KAT6B: variants seen among roughly 807,000 people sequenced by gnomAD.
KAT6B encodes the protein lysine acetyltransferase 6B, also known as histone acetyltransferase KAT6B.
A neutral mutation model predicts 187.5 loss-of-function variants in KAT6B; 10 were observed. The ratio of observed to expected loss-of-function variants is 0.05; its 90% CI spans 0.03 to 0.09. KAT6B has a LOEUF of 0.09. Ranked by LOEUF, KAT6B falls within the 10% of genes least tolerant of loss-of-function variation. The pLI is 1.00. For missense variants in KAT6B, 1,952 were observed against 2,558.9 expected, an observed-to-expected ratio of 0.76 and a Z score of 5.12; for synonymous variants, 861 against 926.8, an observed-to-expected ratio of 0.93 and a Z score of 1.29.
intron 4 of KAT6B, 139 bp downstream of exon 4, chr10:74,960,217 AAG>A (rs1841002996): frequency 1.4e-6 from 1 of 714,988 alleles, no homozygotes; most frequent in Non-Finnish European, 2.5e-6. Flanking sequence ...TTAAAAGAAA[AAG>A]TAAGGAATAG....
chr10:74,992,731 T>C (rs1340904830), intron 13 of KAT6B, among the ~76,000 whole-genome samples: 1 of 152,238 alleles, frequency 6.6e-6, no homozygotes, highest in Non-Finnish European at 1.5e-5. Context: ...TGGGACCATG[T>C]GCTGCTTGCA....
At chr10:74,952,317 C>T (rs530364307) in intron 3 of KAT6B, among the ~76,000 whole-genome samples, 7 of 151,902 alleles carry the variant, frequency 4.6e-5, no homozygotes, top group Non-Finnish European at 1.0e-4. Flanking sequence ...ATCACGCCCC[C>T]GCTCTCCATC....
intron 3 of KAT6B, among the ~76,000 whole-genome samples, chr10:74,860,752 C>A (rs192754721): frequency 2.6e-5 from 4 of 152,330 alleles, no homozygotes; most frequent in African/African-American, 7.2e-5. Flanking sequence ...AACCCCAGCA[C>A]TTTGGGAGGC....
intron 12 of KAT6B, among the ~76,000 whole-genome samples, chr10:74,987,670 A>G (rs1348005574): frequency 6.6e-6 from 1 of 152,220 alleles, no homozygotes; most frequent in Non-Finnish European, 1.5e-5. Context: ...AGGATTAGTT[A>G]TTTTATTCAT....
At chr10:74,827,711 G>C (rs1386786040) in intron 1 of KAT6B, among the ~76,000 whole-genome samples, 1 of 152,142 alleles carries the variant, frequency 6.6e-6, no homozygotes, top group African/African-American at 2.4e-5. Context: ...GAAGAAAGTG[G>C]GTGGAGCTGT....
chr10:75,029,374 A>G lies in KAT6B; in HGVS notation c.4550A>G (p.Gln1517Arg), dbSNP rs1564631747. The G allele has an allele frequency of 2.5e-6, 4 of 1,614,168 alleles. No individual in the cohort carries two copies. Among genetic ancestry groups the G allele is most frequent in the Non-Finnish European group, 3.4e-6 (4 of 1,180,026 alleles). ...PPGEQAQKQDQKNSKEVDTEF... is the reference protein window; with the variant it reads ...PPGEQAQKQDRKNSKEVDTEF... ...GGAGAACAGGCACAGAAGCAGGACCAAAAGAACAGCAAGGAAGTCGATACA... is the reference window on the plus strand; with the variant it reads ...GGAGAACAGGCACAGAAGCAGGACCGAAAGAACAGCAAGGAAGTCGATACA... The change falls in exon 18 of 18, where the codon CAA (glutamine) becomes CGA (arginine). Residue 1517 changes from glutamine to arginine, a missense_variant. Coordinates refer to ENST00000287239, the MANE Select transcript of KAT6B (RefSeq NM_012330.4). The surrounding 1 kb of genome is among the most constrained non-coding windows in gnomAD (Gnocchi z 6.2).
At chr10:74,863,227 A>AT (rs1194459078) in intron 3 of KAT6B, among the ~76,000 whole-genome samples, 12 of 152,162 alleles carry the variant, frequency 7.9e-5, no homozygotes, top group African/African-American at 1.7e-4. Flanking sequence ...TGTATGCTAT[A>AT]TTTAAATAAA....
chr10:74,866,211 G>A (rs547204876), intron 3 of KAT6B, among the ~76,000 whole-genome samples: 58 of 151,754 alleles, frequency 3.8e-4, no homozygotes, highest in African/African-American at 1.3e-3. Flanking sequence ...TGGCATTAAT[G>A]TTATTGTTCT....
intron 3 of KAT6B, among the ~76,000 whole-genome samples, chr10:74,927,452 CTTT>C (rs11479404): frequency 6.0e-5 from 7 of 116,636 alleles, no homozygotes; most frequent in Admixed American, 1.7e-4. Context: ...TGCAAGAAAC[CTTT>C]TTTTTTTTTT....
At chr10:74,973,145 C>G (rs749816621) in intron 7 of KAT6B, among the ~76,000 whole-genome samples, 6 of 152,210 alleles carry the variant, frequency 3.9e-5, no homozygotes, top group Non-Finnish European at 8.8e-5. Flanking sequence ...CAGATGACCA[C>G]TTACCTCTGA....
In KAT6B at chr10:75,020,728, G is replaced by A; in HGVS notation, c.2776G>A (p.Ala926Thr). ...HHHERHISIK[A>T]ISRATGMCPH... is the part of the protein sequence containing the mutation. The stretch of plus-strand genomic sequence containing the variant: ...CCATGAGAGGCACATCAGCATCAAG[G>A]CAATTAGCAGAGCGACGGGCATGTG... The change falls in exon 14 of 18, where the codon GCA becomes ACA. Residue 926 changes from alanine (A) to threonine (T), a missense_variant. Coordinates refer to ENST00000287239, the MANE Select transcript of KAT6B (RefSeq NM_012330.4). 2 of 1,613,828 alleles carry A rather than the reference G, an allele frequency of 1.2e-6. No individual in the cohort carries two copies. Among genetic ancestry groups the A allele is most frequent in the Non-Finnish European group, 1.7e-6 (2 of 1,179,944 alleles).
chr10:74,836,714 G>A (rs7923156), intron 1 of KAT6B, among the ~76,000 whole-genome samples: 3,533 of 152,310 alleles, frequency 0.023, 139 homozygotes, highest in African/African-American at 0.08. Context: ...AATAACCTGA[G>A]CTGGGTGCTG....
chr10:74,919,262 ATTTTTGAAG>A (rs1460819139), intron 3 of KAT6B, among the ~76,000 whole-genome samples: 3 of 151,832 alleles, frequency 2.0e-5, no homozygotes, highest in African/African-American at 7.3e-5. Flanking sequence ...TCTGGTTCTT[ATTTTTGAAG>A]TTTTTGTACA....
At chr10:75,017,832 TA>T (rs1845090076) in intron 13 of KAT6B, among the ~76,000 whole-genome samples, 1 of 152,356 alleles carries the variant, frequency 6.6e-6, no homozygotes, top group East Asian at 1.9e-4. Context: ...TTTAACATAT[TA>T]CAAGTGAGTT....
chr10:74,894,371 C>T (rs548057594), intron 3 of KAT6B, among the ~76,000 whole-genome samples: 19 of 152,292 alleles, frequency 1.2e-4, no homozygotes, highest in South Asian at 4.1e-4. Context: ...CATGAGCCAC[C>T]GTGCTCGGCC....
At chr10:74,936,577 A>G (rs1350039543) in intron 3 of KAT6B, among the ~76,000 whole-genome samples, 1 of 152,206 alleles carries the variant, frequency 6.6e-6, no homozygotes, top group Non-Finnish European at 1.5e-5. Flanking sequence ...CTAATTGACC[A>G]GGGATGAGTG....
intron 3 of KAT6B, among the ~76,000 whole-genome samples, chr10:74,860,027 A>C (rs1052268170): frequency 6.6e-6 from 1 of 152,140 alleles, no homozygotes; most frequent in African/African-American, 2.4e-5. Context: ...CATTGAGAAC[A>C]CTTTTTCAGT....
intron 3 of KAT6B, among the ~76,000 whole-genome samples, chr10:74,858,668 TATCAAGATA>T (rs1267042142): frequency 5.9e-5 from 9 of 152,236 alleles, no homozygotes; most frequent in African/African-American, 2.2e-4. Context: ...CAAGGTGATT[TATCAAGATA>T]GGCTCTTTGG....
chr10:74,857,136 T>G (rs1436437415), intron 3 of KAT6B, among the ~76,000 whole-genome samples: 1 of 152,232 alleles, frequency 6.6e-6, no homozygotes, highest in African/African-American at 2.4e-5. Context: ...TTTCACCCAG[T>G]GTGTATTAGT....
Sources: gnomAD v4.1 joint callset for allele counts (sites outside exome capture counted in the v4.1 genomes callset) on GRCh38, gnomAD v4.1.1 for gene constraint, Gnocchi (gnomAD v3.1) non-coding constraint, MANE v1.5 for transcripts, NCBI Gene and HGNC (gene_info 2026-07-23, HGNC 2026-07-21) for gene names.